MDGA2: variants seen among roughly 807,000 people sequenced by gnomAD.
MDGA2 encodes MAM domain-containing glycosylphosphatidylinositol anchor protein 2.
MDGA2 carries 40 observed loss-of-function variants against 117.8 expected under a neutral mutation model. The ratio of observed to expected loss-of-function variants is 0.34; its 90% CI spans 0.26 to 0.44. The LOEUF (loss-of-function observed/expected upper bound fraction) is 0.44, where lower values mean the gene tolerates loss of function less well. Among genes scored for constraint, MDGA2 ranks in the 20% least tolerant of loss-of-function variants. The pLI, the probability that MDGA2 is intolerant of heterozygous loss-of-function variation, is 1.00. For missense variants in MDGA2, 1,123 were observed against 1,250.6 expected (o/e 0.90, Z 1.54); for synonymous variants, 452 against 439.0 (o/e 1.03, Z -0.37).
intron 1 of MDGA2, among the ~76,000 whole-genome samples, chr14:47,415,650 C>A (rs188188644): frequency 6.6e-6 from 1 of 152,020 alleles, no homozygotes; most frequent in Non-Finnish European, 1.5e-5. Context: ...TTTGTATAAA[C>A]CTTAACAGAA....
chr14:47,660,150 G>A (rs768615343), intron 1 of MDGA2, among the ~76,000 whole-genome samples: 4 of 152,036 alleles, frequency 2.6e-5, no homozygotes, highest in Non-Finnish European at 5.9e-5. Context: ...TGAATTTCAG[G>A]GCAGTGCTCT....
intron 1 of MDGA2, among the ~76,000 whole-genome samples, chr14:47,418,567 C>T (rs572198450): frequency 3.5e-4 from 54 of 152,194 alleles, no homozygotes; most frequent in African/African-American, 9.4e-4. Flanking sequence ...TTCCATTTAT[C>T]GGGGATCCAA....
At chr14:47,322,788 T>G (rs1335439348) in intron 1 of MDGA2, among the ~76,000 whole-genome samples, 2 of 152,132 alleles carry the variant, frequency 1.3e-5, no homozygotes, top group Admixed American at 6.6e-5. Flanking sequence ...TTATCTGAAG[T>G]CTGAATATTT....
intron 2 of MDGA2, among the ~76,000 whole-genome samples, chr14:47,270,221 T>C (rs937871176): frequency 6.6e-6 from 1 of 152,164 alleles, no homozygotes; most frequent in Non-Finnish European, 1.5e-5. Flanking sequence ...AACACTGTTA[T>C]TTGTGTTCCA....
chr14:47,477,537 A>AT (rs1484441449), intron 1 of MDGA2, among the ~76,000 whole-genome samples: 1 of 152,126 alleles, frequency 6.6e-6, no homozygotes, highest in Non-Finnish European at 1.5e-5. Flanking sequence ...TCTAACTCTG[A>AT]TTTTTGCTTT....
intron 1 of MDGA2, among the ~76,000 whole-genome samples, chr14:47,487,650 A>AT (rs1894088173): frequency 2.0e-5 from 3 of 152,316 alleles, no homozygotes; most frequent in Admixed American, 2.0e-4. Flanking sequence ...TCAGGTAATT[A>AT]TTTGAGCCTG....
chr14:46,900,711 A>T (rs180854151), intron 10 of MDGA2, among the ~76,000 whole-genome samples: 1 of 152,186 alleles, frequency 6.6e-6, no homozygotes, highest in African/African-American at 2.4e-5. Context: ...GGGATATAAA[A>T]GAGTAACATC....
At chr14:47,498,302 G>A (rs1013454504) in intron 1 of MDGA2, among the ~76,000 whole-genome samples, 1 of 152,054 alleles carries the variant, frequency 6.6e-6, no homozygotes, top group African/African-American at 2.4e-5. Flanking sequence ...ACTATTCTGA[G>A]GCAGTTACCC....
intron 8 of MDGA2, among the ~76,000 whole-genome samples, chr14:46,958,834 C>G (rs1885667775): frequency 6.6e-6 from 1 of 152,194 alleles, no homozygotes. Flanking sequence ...TTTCAATCCT[C>G]TGAATTTGTT....
chr14:47,485,982 C>T (rs536197981), intron 1 of MDGA2, among the ~76,000 whole-genome samples: 1 of 152,286 alleles, frequency 6.6e-6, no homozygotes, highest in Non-Finnish European at 1.5e-5. Flanking sequence ...AGTTGGAGCC[C>T]CCACACAGAG....
intron 1 of MDGA2, among the ~76,000 whole-genome samples, chr14:47,503,791 T>C (rs1894453673): frequency 6.6e-6 from 1 of 152,192 alleles, no homozygotes; most frequent in Admixed American, 6.5e-5. Context: ...CCAATACCAA[T>C]GCATATTCTC....
At chr14:47,649,334 T>C (rs902731275) in intron 1 of MDGA2, among the ~76,000 whole-genome samples, 2 of 152,218 alleles carry the variant, frequency 1.3e-5, no homozygotes, top group African/African-American at 4.8e-5. Context: ...ATTAATTCTG[T>C]GGCTCCAGTA....
intron 2 of MDGA2, among the ~76,000 whole-genome samples, chr14:47,229,464 G>A (rs943344762): frequency 2.6e-5 from 4 of 151,730 alleles, no homozygotes; most frequent in Non-Finnish European, 4.4e-5. Context: ...AGAATTAGCA[G>A]GCAAACAATT....
intron 7 of MDGA2, among the ~76,000 whole-genome samples, chr14:47,046,161 ATAATAAAG>A (rs1487478425): frequency 7.0e-6 from 1 of 143,100 alleles, no homozygotes; most frequent in Non-Finnish European, 1.5e-5. Flanking sequence ...GATAATAATA[ATAATAAAG>A]TAAATAAAAG....
At chr14:47,143,508 A>G (rs1882811203) in intron 4 of MDGA2, among the ~76,000 whole-genome samples, 1 of 152,164 alleles carries the variant, frequency 6.6e-6, no homozygotes, top group Non-Finnish European at 1.5e-5. Context: ...TATTACGCTC[A>G]CTTTATGTAA....
At chr14:47,094,790 T>G (rs1879866647) in intron 6 of MDGA2, among the ~76,000 whole-genome samples, 1 of 106,422 alleles carries the variant, frequency 9.4e-6, no homozygotes, top group African/African-American at 3.4e-5. Flanking sequence ...CAAGTATTTT[T>G]AAAGCAAACA....
chr14:47,455,260 A>G (rs765954878), intron 1 of MDGA2, among the ~76,000 whole-genome samples: 65 of 152,002 alleles, frequency 4.3e-4, no homozygotes, highest in Non-Finnish European at 8.2e-4. Context: ...AATCCCAGCA[A>G]TTTGGGAGGT....
chr14:47,185,950 T>A (rs1453149372), intron 3 of MDGA2, among the ~76,000 whole-genome samples: 4 of 151,624 alleles, frequency 2.6e-5, no homozygotes, highest in Non-Finnish European at 5.9e-5. Flanking sequence ...AATACCTATT[T>A]ATAATTAGGA....
chr14:47,079,033 G>GA (rs755415080), intron 6 of MDGA2, among the ~76,000 whole-genome samples: 361 of 136,438 alleles, frequency 2.6e-3, no homozygotes, highest in African/African-American at 7.3e-3. Context: ...TAAGTGAGAT[G>GA]AAAAAAAAAA....
Sources: gnomAD v4.1 joint callset for allele counts (sites outside exome capture counted in the v4.1 genomes callset) on GRCh38, gnomAD v4.1.1 for gene constraint, MANE v1.5 for transcripts, NCBI Gene and HGNC (gene_info 2026-07-23, HGNC 2026-07-21) for gene names.